The following PAX5 variants were observed in gnomAD, a reference collection of about 807,000 sequenced individuals.
The protein encoded by PAX5 is paired box 5.
PAX5 carries 9 observed loss-of-function variants against 43.7 expected under a neutral mutation model. The observed-to-expected ratio is 0.21, with a 90% CI of 0.12 to 0.36. The LOEUF (loss-of-function observed/expected upper bound fraction) is 0.36. Ranked by LOEUF, PAX5 falls within the 10% of genes least tolerant of loss-of-function variation. PAX5 has a pLI of 1.00. For missense variants in PAX5, 383 were observed against 532.7 expected (o/e 0.72, Z 2.77); for synonymous variants, 228 against 214.3 (o/e 1.06, Z -0.56).
chr9:36,840,450 G>T lies in PAX5; in HGVS notation c.*110C>A. The T allele has an allele frequency of 9.4e-7, 1 of 1,063,400 alleles. No individual in the cohort carries two copies. The highest frequency in any genetic ancestry group is 2.0e-5 in the Admixed American group (1 of 50,358). 65.9% of individuals were successfully genotyped at this position (1,063,400 alleles called of 1,614,324 possible). A position where few individuals can be genotyped will look rare whatever the true frequency, so the allele number is the denominator to read the frequency against. Reference sequence around the variant, plus strand: ...GAAGAGGGGAGCTTCAGGCAAGTGGGGGATGCTGGGGGACGGTCTCATGGG... The same window carrying T: ...GAAGAGGGGAGCTTCAGGCAAGTGGTGGATGCTGGGGGACGGTCTCATGGG... On this transcript the variant is annotated 3_prime_UTR_variant, in exon 10 of 10. Transcript: ENST00000358127.
chr9:36,996,691 GGGCCCAGGGCCC>G (rs1255414046), intron 5 of PAX5, among the ~76,000 whole-genome samples: 13 of 152,300 alleles, frequency 8.5e-5, no homozygotes, highest in Non-Finnish European at 8.8e-5. Flanking sequence ...CATGTCAGAG[GGGCCCAGGGCCC>G]CAGCACGGTC....
At chr9:36,901,927 T>C (rs1457649878) in intron 7 of PAX5, among the ~76,000 whole-genome samples, 2 of 152,226 alleles carry the variant, frequency 1.3e-5, no homozygotes, top group African/African-American at 2.4e-5. Flanking sequence ...GGCATTAGCA[T>C]ACTTTCAGGG....
intron 6 of PAX5, among the ~76,000 whole-genome samples, chr9:36,928,237 A>T (rs1307491572): frequency 6.6e-6 from 1 of 152,186 alleles, no homozygotes; most frequent in Non-Finnish European, 1.5e-5. Flanking sequence ...GGTTCCCTGG[A>T]ACATTGCTAC....
Position 37,015,077 on chromosome 9 carries a change from A to G in PAX5, c.330T>C (p.Phe110=). The change falls in exon 3 of 10, where the codon TTT becomes TTC. Residue 110 remains phenylalanine, a synonymous_variant. Transcript: ENST00000358127. This position sits in a 1 kb window ranked among gnomAD's most constrained non-coding sequence, Gnocchi z 4.4. ...GCAGCCGGTCCCTGATCTCCCAGGC[A>G]AACATGGTGGGATTTTGGCGTTTAT... The part of the protein sequence containing the change: ...AEYKRQNPTM[F]AWEIRDRLLA... The G allele has an allele frequency of 6.2e-7, 1 of 1,614,206 alleles. No individual in the cohort carries two copies.
chr9:37,033,785 CACAG>C (rs1226058949), intron 1 of PAX5, among the ~76,000 whole-genome samples, 197 bp downstream of exon 1: 2 of 152,194 alleles, frequency 1.3e-5, no homozygotes, highest in Non-Finnish European at 2.9e-5. Flanking sequence ...CAGAGAAAAA[CACAG>C]ACAAACTCAC....
intron 5 of PAX5, among the ~76,000 whole-genome samples, chr9:36,996,112 C>T (rs575054797): frequency 6.6e-6 from 1 of 152,370 alleles, no homozygotes; most frequent in African/African-American, 2.4e-5. Context: ...CAGCTCCAAA[C>T]AGGAAGGTGG....
intron 5 of PAX5, among the ~76,000 whole-genome samples, chr9:36,969,510 C>T (rs746214464): frequency 2.0e-5 from 3 of 152,250 alleles, no homozygotes; most frequent in Non-Finnish European, 2.9e-5. Flanking sequence ...GCACACAGGC[C>T]CTCAAGTGTA....
rs762712811 is a variant in PAX5, at chr9:36,910,087, C to T, written c.910+13268G>A. ...ATCCACCCTCTTAATGTTAAATCTC[C>T]TGATTTTTAAGGCACTTTTAAATTT... On this transcript the variant is annotated intron_variant, in intron 7 of 9. Transcript: ENST00000358127. Among the ~76,000 whole-genome samples, 7 of 152,162 alleles carry T rather than the reference C, an allele frequency of 4.6e-5. No individual in the cohort carries two copies. The South Asian group carries it at 6.2e-4, about 14-fold the overall frequency.
intron 5 of PAX5, among the ~76,000 whole-genome samples, chr9:36,973,878 T>A (rs549079328): frequency 3.3e-5 from 5 of 152,174 alleles, no homozygotes; most frequent in African/African-American, 1.2e-4. Context: ...TGGTGGCACA[T>A]GCCTGCAGCT....
At chr9:36,860,060 C>T (rs568431129) in intron 8 of PAX5, among the ~76,000 whole-genome samples, 2 of 146,582 alleles carry the variant, frequency 1.4e-5, no homozygotes, top group Admixed American at 6.8e-5. Flanking sequence ...ATCTGGGGGC[C>T]GGGCATAGTG....
rs1841294382 is a variant in PAX5, at chr9:37,034,094, T to TTTTC, written c.-67_-64dup. On this transcript the variant is annotated 5_prime_UTR_variant, in exon 1 of 10. Coordinates refer to ENST00000358127, the MANE Select transcript of PAX5 (RefSeq NM_016734.3). ...AGTTTCCACTTTTTTGTGCCTTTTT[T>TTTTC]TTTCTTTTTTTTTTTTTTTTTTTTT... 19 of 816,016 alleles carry TTTTC rather than the reference T, an allele frequency of 2.3e-5. No individual in the cohort carries two copies. The African/African-American group carries it at 3.3e-4, about 14-fold the overall frequency. 50.5% of individuals were successfully genotyped at this position (816,016 alleles called of 1,614,324 possible).
chr9:36,893,772 T>G (rs1334102457), intron 7 of PAX5, among the ~76,000 whole-genome samples: 1 of 152,190 alleles, frequency 6.6e-6, no homozygotes, highest in Non-Finnish European at 1.5e-5. Flanking sequence ...AGCCGCCCAC[T>G]TACAGACGTG....
chr9:36,861,860 C>T lies in PAX5; in HGVS notation c.1013-14931G>A, dbSNP rs566574942. ...AATTTTCACAGGCTCACTGCAGCCA[C>T]GTTGTTGTGAATAGACTAAAGGGTC... On this transcript the variant is annotated intron_variant, in intron 8 of 9. Transcript: ENST00000358127. Among the ~76,000 whole-genome samples, 41 of 152,206 alleles carry T rather than the reference C, an allele frequency of 2.7e-4. 1 individual carries two copies. In the East Asian group the frequency reaches 6.6e-3, roughly 24 times the overall value.
chr9:36,972,050 G>A (rs942560404), intron 5 of PAX5, among the ~76,000 whole-genome samples: 2 of 152,212 alleles, frequency 1.3e-5, no homozygotes, highest in Non-Finnish European at 2.9e-5. Flanking sequence ...TGCTCACTAG[G>A]AGGAAAATAT....
At chr9:36,991,372 T>C (rs1008849184) in intron 5 of PAX5, among the ~76,000 whole-genome samples, 2 of 151,852 alleles carry the variant, frequency 1.3e-5, no homozygotes, top group African/African-American at 4.8e-5. Context: ...ACCTCAAAAA[T>C]CGTCTGCTCC....
chr9:37,025,140 T>C (rs1221104242), intron 1 of PAX5, among the ~76,000 whole-genome samples: 1 of 152,176 alleles, frequency 6.6e-6, no homozygotes, highest in Non-Finnish European at 1.5e-5. Flanking sequence ...GAGGAATCGT[T>C]TGGGCTGGGA....
chr9:36,969,207 C>T (rs12552911), intron 5 of PAX5, among the ~76,000 whole-genome samples: 20,211 of 152,212 alleles, frequency 0.13, 1,489 homozygotes, highest in African/African-American at 0.18. Context: ...TAACAACTCC[C>T]GCTGAGGCCT....
chr9:37,026,449 G>A (rs1840383951), intron 1 of PAX5: 3 of 1,143,680 alleles, frequency 2.6e-6, no homozygotes, highest in South Asian at 2.6e-5. Context: ...AGATCCTTCC[G>A]GCCTTAGTAC....
intron 7 of PAX5, among the ~76,000 whole-genome samples, chr9:36,883,002 C>A (rs1387053334): frequency 1.3e-5 from 2 of 152,212 alleles, no homozygotes; most frequent in Non-Finnish European, 2.9e-5. Flanking sequence ...AAACCTGCCT[C>A]CTGAAAGATG....
Sources: allele counts gnomAD v4.1 joint callset (sites outside exome capture counted in the v4.1 genomes callset), GRCh38; gene constraint gnomAD v4.1.1; non-coding constraint Gnocchi (gnomAD v3.1); transcripts MANE v1.5; gene names NCBI Gene and HGNC (gene_info 2026-07-23, HGNC 2026-07-21).